The following GSK3B variants were observed in gnomAD, a reference collection of about 807,000 sequenced individuals.
GSK3B encodes the protein glycogen synthase kinase-3 beta.
GSK3B carries 15 observed loss-of-function variants against 56.4 expected under a neutral mutation model. The observed-to-expected ratio is 0.27, with a 90% confidence interval of 0.18 to 0.41. GSK3B has a LOEUF of 0.41. Among genes scored for constraint, GSK3B ranks in the 10% least tolerant of loss-of-function variants. The pLI, the probability that GSK3B is intolerant of heterozygous loss-of-function variation, is 1.00. For synonymous variants in GSK3B, 181 were observed against 188.9 expected, an observed-to-expected ratio of 0.96 and a Z score of 0.34; for missense variants, 300 against 513.4, an observed-to-expected ratio of 0.58 and a Z score of 4.02.
intron 1 of GSK3B, among the ~76,000 whole-genome samples, chr3:120,067,920 A>G (rs1315472370): frequency 6.6e-6 from 1 of 152,234 alleles, no homozygotes; most frequent in East Asian, 1.9e-4. Flanking sequence ...TTTTTAAGGG[A>G]AAAAAAGATA....
At chr3:120,053,019 C>G (rs1381069727) in intron 1 of GSK3B, among the ~76,000 whole-genome samples, 1 of 152,114 alleles carries the variant, frequency 6.6e-6, no homozygotes, top group Non-Finnish European at 1.5e-5. Flanking sequence ...TACTATAGAG[C>G]TCTACATTCT....
At chr3:120,057,862 T>C (rs1030176746) in intron 1 of GSK3B, among the ~76,000 whole-genome samples, 5 of 152,040 alleles carry the variant, frequency 3.3e-5, no homozygotes, top group African/African-American at 2.4e-5. Flanking sequence ...ACCCATTAAA[T>C]AGTGGAGCCC....
intron 1 of GSK3B, among the ~76,000 whole-genome samples, chr3:120,004,178 G>A (rs1221170123): frequency 6.6e-6 from 1 of 152,160 alleles, no homozygotes; most frequent in African/African-American, 2.4e-5. Flanking sequence ...CTAAGATGTG[G>A]GAGCTTGGTG....
At chr3:119,859,955 T>A (rs550837040) in intron 9 of GSK3B, among the ~76,000 whole-genome samples, 12 of 152,320 alleles carry the variant, frequency 7.9e-5, no homozygotes, top group African/African-American at 2.9e-4. Flanking sequence ...TCTAGCCAAG[T>A]GGTAGAGGAA....
At chr3:119,905,966 T>C (rs996275534) in intron 6 of GSK3B, 114 bp from the exon 7 acceptor site, 10 of 691,538 alleles carry the variant, frequency 1.4e-5, no homozygotes, top group Middle Eastern at 2.5e-4. Context: ...CAGGAAAAGA[T>C]TATACAATCC....
intron 10 of GSK3B, 61 bp from the exon 11 acceptor site, chr3:119,826,916 A>C: frequency 9.8e-7 from 1 of 1,023,318 alleles, no homozygotes; most frequent in South Asian, 1.3e-5. Flanking sequence ...AAAGAGAACA[A>C]GTACACTGTT....
intron 1 of GSK3B, among the ~76,000 whole-genome samples, chr3:120,023,336 C>A (rs1053730787): frequency 2.0e-5 from 3 of 150,892 alleles, no homozygotes; most frequent in African/African-American, 7.3e-5. Context: ...AACACTGCCC[C>A]TAAATTCCAT....
chr3:120,075,439 G>GA (rs2058360283), intron 1 of GSK3B, among the ~76,000 whole-genome samples: 1 of 151,998 alleles, frequency 6.6e-6, no homozygotes. Context: ...AACCAAATCA[G>GA]AAAATTATCT....
intron 1 of GSK3B, among the ~76,000 whole-genome samples, chr3:120,030,518 A>G (rs1271339044): frequency 6.6e-6 from 1 of 152,166 alleles, no homozygotes; most frequent in Admixed American, 6.5e-5. Flanking sequence ...ATATCATGCC[A>G]TTATTCCCTT....
At chr3:119,937,772 A>C (rs1339836580) in intron 3 of GSK3B, among the ~76,000 whole-genome samples, 6 of 151,912 alleles carry the variant, frequency 3.9e-5, no homozygotes, top group Admixed American at 3.9e-4. Context: ...AAATATATGA[A>C]TAGAGATGAA....
At chr3:119,900,338 G>A (rs2056613137) in intron 7 of GSK3B, among the ~76,000 whole-genome samples, 1 of 152,012 alleles carries the variant, frequency 6.6e-6, no homozygotes, top group South Asian at 2.1e-4. Flanking sequence ...TATTACTATA[G>A]CATAAGTAAA....
At chr3:120,070,280 A>T (rs907667746) in intron 1 of GSK3B, among the ~76,000 whole-genome samples, 16 of 139,608 alleles carry the variant, frequency 1.1e-4, no homozygotes, top group East Asian at 7.8e-4. Context: ...AGTTTAAATA[A>T]AAAAAAAAAG....
rs2055836333 is a variant in GSK3B at position 119,845,031 on chromosome 3, CAT to C, written c.1097-1680_1097-1679del. ...CATATGCAAATCAATAAACGTAATT[CAT>C]CACATAAACAGAACTAATGACAAAA... On this transcript the variant is annotated intron_variant, in intron 9 of 10. Coordinates refer to ENST00000264235, the MANE Select transcript of GSK3B (RefSeq NM_001146156.2). Among the ~76,000 whole-genome samples, 3 of 152,170 alleles carry C rather than the reference CAT, an allele frequency of 2.0e-5. No homozygotes were observed. In the South Asian group the frequency reaches 6.2e-4, roughly 31 times the overall value.
chr3:119,988,411 T>A (rs2057535460), intron 2 of GSK3B, among the ~76,000 whole-genome samples: 1 of 152,248 alleles, frequency 6.6e-6, no homozygotes, highest in African/African-American at 2.4e-5. Context: ...CTGTGAGTAT[T>A]CTTAAGTTAC....
At chr3:119,894,189 T>C (rs2056536136) in intron 7 of GSK3B, among the ~76,000 whole-genome samples, 1 of 148,538 alleles carries the variant, frequency 6.7e-6, no homozygotes, top group African/African-American at 2.6e-5. Context: ...GCTAGAAATT[T>C]TATTTGTTCC....
At chr3:120,029,350 T>C (rs2057956078) in intron 1 of GSK3B, 1 of 749,274 alleles carries the variant, frequency 1.3e-6, no homozygotes, top group Non-Finnish European at 2.5e-6. Context: ...TCAAAAGCCC[T>C]TTCTTTTCCA....
intron 1 of GSK3B, among the ~76,000 whole-genome samples, chr3:120,054,284 T>C (rs1454845478): frequency 6.6e-6 from 1 of 152,132 alleles, no homozygotes; most frequent in African/African-American, 2.4e-5. Flanking sequence ...TGCTCACTTT[T>C]AACCTGTACT....
In GSK3B at chr3:119,963,024, C is replaced by T. The variant is rs572898353; in HGVS notation, c.283-15673G>A. 2.0e-5 allele frequency among the ~76,000 whole-genome samples: 3 copies of T among 152,210 alleles called. No homozygotes were observed. The South Asian group carries it at 6.2e-4, about 32-fold the overall frequency. On this transcript the variant is annotated intron_variant, in intron 2 of 10. Coordinates refer to ENST00000264235, the MANE Select transcript of GSK3B (RefSeq NM_001146156.2). ...GCCATGCACCACACTGGTCCGCAGC[C>T]TGAGGGTTGGGGGCCCCTGTTATAC...
chr3:119,861,742 C>T (rs539674676), intron 9 of GSK3B, among the ~76,000 whole-genome samples: 2 of 152,258 alleles, frequency 1.3e-5, no homozygotes, highest in South Asian at 2.1e-4. Context: ...TAACAAGGGG[C>T]CATACCTCAA....
Sources: gnomAD v4.1 joint callset for allele counts (sites outside exome capture counted in the v4.1 genomes callset) on GRCh38, gnomAD v4.1.1 for gene constraint, MANE v1.5 for transcripts, NCBI Gene and HGNC (gene_info 2026-07-23, HGNC 2026-07-21) for gene names.